DAB1: variants seen among roughly 807,000 people sequenced by gnomAD.
The protein encoded by DAB1 is disabled homolog 1.
Under a neutral mutation model 64.6 loss-of-function variants are expected in DAB1, and 15 were observed. The observed-to-expected ratio is 0.23, with a 90% CI of 0.16 to 0.36. The LOEUF (loss-of-function observed/expected upper bound fraction) is 0.36. Among genes scored for constraint, DAB1 ranks in the 10% least tolerant of loss-of-function variants. The pLI is 1.00. For missense variants in DAB1, 596 were observed against 706.7 expected (o/e 0.84, Z 1.78); for synonymous variants, 235 against 251.9 (o/e 0.93, Z 0.64).
chr1:58,417,307 G>C (rs1644730202), intron 3 of DAB1, among the ~76,000 whole-genome samples: 1 of 152,238 alleles, frequency 6.6e-6, no homozygotes, highest in Non-Finnish European at 1.5e-5. Context: ...ATCAGACCTG[G>C]GAAAGAACCA....
At chr1:58,475,179 T>C (rs1645406635) in intron 3 of DAB1, among the ~76,000 whole-genome samples, 1 of 152,120 alleles carries the variant, frequency 6.6e-6, no homozygotes, top group South Asian at 2.1e-4. Context: ...GTATTGAAAC[T>C]GAGTCTTGCT....
chr1:57,798,875 G>A (rs1282522683), intron 6 of DAB1, among the ~76,000 whole-genome samples: 8 of 152,154 alleles, frequency 5.3e-5, no homozygotes, highest in Admixed American at 1.3e-4. Context: ...TTTGGGGGAA[G>A]GTATTACATA....
At chr1:58,043,170 G>C (rs1196965363) in intron 5 of DAB1, among the ~76,000 whole-genome samples, 1 of 152,166 alleles carries the variant, frequency 6.6e-6, no homozygotes, top group Non-Finnish European at 1.5e-5. Context: ...GTAGTAAGAA[G>C]ACAGATAAGA....
At chr1:57,661,453 A>T (rs1646385458) in intron 6 of DAB1, among the ~76,000 whole-genome samples, 1 of 152,234 alleles carries the variant, frequency 6.6e-6, no homozygotes, top group African/African-American at 2.4e-5. Context: ...CTCTAGAATT[A>T]TTCCCAGAGA....
intron 1 of DAB1, among the ~76,000 whole-genome samples, chr1:57,847,564 A>C (rs994670448): frequency 6.6e-6 from 1 of 152,176 alleles, no homozygotes; most frequent in Non-Finnish European, 1.5e-5. Flanking sequence ...AGCTAGGCAA[A>C]TATTTATCAA....
chr1:57,669,557 A>G (rs1289424061), intron 6 of DAB1, among the ~76,000 whole-genome samples: 1 of 152,164 alleles, frequency 6.6e-6, no homozygotes, highest in African/African-American at 2.4e-5. Flanking sequence ...GGGTTAAATT[A>G]ATTTATGTGA....
chr1:58,240,534 T>C (rs1430042214), intron 4 of DAB1, among the ~76,000 whole-genome samples: 1 of 152,228 alleles, frequency 6.6e-6, no homozygotes, highest in Non-Finnish European at 1.5e-5. Context: ...AAATGCACTC[T>C]TAAGCCACTT....
intron 2 of DAB1, among the ~76,000 whole-genome samples, chr1:57,221,256 G>A (rs1276119584): frequency 6.6e-6 from 1 of 151,942 alleles, no homozygotes; most frequent in South Asian, 2.1e-4. Flanking sequence ...GTGGGGTGGG[G>A]GGATGGGGGA....
intron 1 of DAB1, among the ~76,000 whole-genome samples, chr1:57,350,348 T>C (rs1269992451): frequency 6.6e-6 from 1 of 152,190 alleles, no homozygotes; most frequent in Non-Finnish European, 1.5e-5. Flanking sequence ...ACTCCTTTTC[T>C]GTCTACTACT....
intron 7 of DAB1, among the ~76,000 whole-genome samples, chr1:57,456,153 C>A (rs1244453052): frequency 6.6e-6 from 1 of 152,158 alleles, no homozygotes; most frequent in African/African-American, 2.4e-5. Context: ...GAGTGAGCTT[C>A]TTCTCTTATG....
intron 7 of DAB1, among the ~76,000 whole-genome samples, chr1:57,449,523 G>C (rs1249656171): frequency 6.6e-6 from 1 of 151,894 alleles, no homozygotes; most frequent in Non-Finnish European, 1.5e-5. Flanking sequence ...TGGTACTACA[G>C]GTGCACTCTG....
intron 4 of DAB1, among the ~76,000 whole-genome samples, chr1:58,244,462 G>C (rs1660444827): frequency 6.6e-6 from 1 of 152,158 alleles, no homozygotes; most frequent in Non-Finnish European, 1.5e-5. Context: ...AAAGTGTTTA[G>C]AGCAATACCT....
intron 7 of DAB1, among the ~76,000 whole-genome samples, chr1:57,458,437 GCAAGGA>G: frequency 1.3e-5 from 2 of 151,508 alleles, no homozygotes; most frequent in South Asian, 4.2e-4. Context: ...AGGTAAATGT[GCAAGGA>G]CTCAAAAAAT....
At chr1:57,154,040 CCTTT>C (rs1659976642) in intron 2 of DAB1, among the ~76,000 whole-genome samples, 1 of 152,128 alleles carries the variant, frequency 6.6e-6, no homozygotes, top group Non-Finnish European at 1.5e-5. Context: ...AAGCATTTAT[CCTTT>C]GTGTTACAAA....
chr1:57,101,104 G>A (rs907384331), intron 4 of DAB1, among the ~76,000 whole-genome samples: 3 of 152,062 alleles, frequency 2.0e-5, no homozygotes, highest in African/African-American at 4.8e-5. Flanking sequence ...CACCACAGGA[G>A]GCACTCTATC....
intron 5 of DAB1, among the ~76,000 whole-genome samples, chr1:58,095,028 C>T (rs1053831154): frequency 9.9e-5 from 15 of 152,186 alleles, no homozygotes; most frequent in African/African-American, 3.4e-4. Flanking sequence ...AACTGCCCAA[C>T]TCTGTCAATG....
intron 5 of DAB1, among the ~76,000 whole-genome samples, chr1:57,901,363 C>G (rs567333578): frequency 2.0e-5 from 3 of 152,262 alleles, no homozygotes; most frequent in African/African-American, 7.2e-5. Context: ...CGAGCTCCCC[C>G]TCCCTGCAAT....
At chr1:57,081,302 T>C in intron 4 of DAB1, among the ~76,000 whole-genome samples, 1 of 152,198 alleles carries the variant, frequency 6.6e-6, no homozygotes, top group East Asian at 1.9e-4. Flanking sequence ...GTCTTTTCCC[T>C]GGCAACTGAG....
At chr1:57,297,949 C>T (rs978711020) in intron 1 of DAB1, among the ~76,000 whole-genome samples, 1 of 152,134 alleles carries the variant, frequency 6.6e-6, no homozygotes, top group Non-Finnish European at 1.5e-5. Context: ...AGGGTCCTTT[C>T]TTCCTGAGCT....
Sources: allele counts gnomAD v4.1 joint callset (sites outside exome capture counted in the v4.1 genomes callset), GRCh38; gene constraint gnomAD v4.1.1; transcripts MANE v1.5; gene names NCBI Gene and HGNC (gene_info 2026-07-23, HGNC 2026-07-21).